ARAP1: variants seen among roughly 807,000 people sequenced by gnomAD.
The protein encoded by ARAP1 is arf-GAP with Rho-GAP domain, ANK repeat and PH domain-containing protein 1.
A neutral mutation model predicts 172.2 loss-of-function variants in ARAP1; 76 were observed. The observed-to-expected ratio is 0.44, with a 90% confidence interval of 0.37 to 0.53. ARAP1 has a LOEUF of 0.53. Ranked by LOEUF, ARAP1 falls within the 20% of genes least tolerant of loss-of-function variation. ARAP1 has a pLI of 0.00. For synonymous variants in ARAP1, 804 were observed against 803.3 expected, an observed-to-expected ratio of 1.00 and a Z score of -0.01; for missense variants, 1,686 against 1,977.5, an observed-to-expected ratio of 0.85 and a Z score of 2.80.
rs974831676 is a variant in ARAP1 at position 72,692,752 on chromosome 11, C to T, written c.3987+1G>A. 8 of 1,613,688 alleles carry T rather than the reference C, an allele frequency of 5.0e-6. No homozygotes were observed. The highest frequency in any genetic ancestry group is 2.2e-5 in the South Asian group (2 of 91,090). ...CTGGCAGTCAGCCCACAGCTACTCACGGTCTCAGGGGCCCCGCTCCACGGC... is the reference window on the plus strand; with the variant it reads ...CTGGCAGTCAGCCCACAGCTACTCATGGTCTCAGGGGCCCCGCTCCACGGC... On this transcript the variant is annotated splice_donor_variant, in intron 30 of 34. Transcript: ENST00000393609. LOFTEE classifies it high-confidence loss of function.
At chr11:72,736,239 C>CTTTTTT (rs61233618) in intron 1 of ARAP1, among the ~76,000 whole-genome samples, 1 of 132,380 alleles carries the variant, frequency 7.6e-6, no homozygotes, top group African/African-American at 2.8e-5. Context: ...TTTTAGTTAC[C>CTTTTTT]TTTTTTTTTT....
intron 3 of ARAP1, among the ~76,000 whole-genome samples, chr11:72,722,963 G>C (rs1465970506): frequency 6.6e-6 from 1 of 152,144 alleles, no homozygotes; most frequent in Admixed American, 6.5e-5. Context: ...CTCTGGGCAA[G>C]TTTCTCAGCA....
chr11:72,728,341 G>A (rs1433413375), intron 2 of ARAP1, among the ~76,000 whole-genome samples: 2 of 152,146 alleles, frequency 1.3e-5, no homozygotes, highest in African/African-American at 4.8e-5. Context: ...AGCACTTTAG[G>A]AGGCCGAGGC....
chr11:72,712,054 G>A (rs1336357378), intron 7 of ARAP1, 142 bp downstream of exon 7: 2 of 1,191,234 alleles, frequency 1.7e-6, no homozygotes, highest in Admixed American at 6.5e-5. Flanking sequence ...TGGTCACAGT[G>A]TGCCTGGAGG....
chr11:72,702,214 G>A (rs1294806226), intron 15 of ARAP1, among the ~76,000 whole-genome samples: 2 of 152,198 alleles, frequency 1.3e-5, no homozygotes, highest in Non-Finnish European at 2.9e-5. Flanking sequence ...GTGGGGGGGC[G>A]GTGATCTGTC....
Position 72,702,981 on chromosome 11 carries a change from G to A in ARAP1, c.2091C>T (p.Ala697=), listed in dbSNP as rs1347537122. Residue 697 remains alanine (A), a synonymous_variant, in exon 15 of 35, where the codon GCC becomes GCT. Transcript: ENST00000393609. Reference sequence around the variant, plus strand: ...GCTCTGCAAGAGCCAGGGGCGTGGGGGCCTCAGGGTCCCCCGAGAAGCAGT... The same window carrying A: ...GCTCTGCAAGAGCCAGGGGCGTGGGAGCCTCAGGGTCCCCCGAGAAGCAGT... ...GINCFSGDPE[A]PTPLALAEQA... The A allele has an allele frequency of 6.4e-7, 1 of 1,570,242 alleles. No individual in the cohort carries two copies. Among genetic ancestry groups the A allele is most frequent in the Middle Eastern group, 1.7e-4 (1 of 5,980 alleles).
At position 72,699,200 on chromosome 11, in the gene ARAP1, G is replaced by T. The variant is rs535731579; in HGVS notation, c.2439-93C>A. On this transcript the variant is annotated intron_variant, in intron 17 of 34. Transcript: ENST00000393609. The surrounding 1 kb of genome is among the most constrained non-coding windows in gnomAD (Gnocchi z 4.2). ...TCAACCGCCATCCTCTGCCCCCTCC[G>T]CACTGCCTTGGCGCTTGTCCTTATT... 3 of 1,463,862 alleles carry T rather than the reference G, an allele frequency of 2.0e-6. No individual in the cohort carries two copies. Among genetic ancestry groups the T allele is most frequent in the Non-Finnish European group, 9.5e-7 (1 of 1,054,860 alleles). The allele number at this position is 1,463,862 out of a possible 1,614,324, so 90.7% of individuals were successfully genotyped here.
chr11:72,740,783 A>G (rs1182053218), intron 1 of ARAP1, among the ~76,000 whole-genome samples: 2 of 152,128 alleles, frequency 1.3e-5, no homozygotes, highest in East Asian at 1.9e-4. Context: ...CACATGGGAA[A>G]TGGACTGAGG....
At chr11:72,711,393 G>A in intron 8 of ARAP1, 37 bp downstream of exon 8, 1 of 1,596,616 alleles carries the variant, frequency 6.3e-7, no homozygotes, top group Non-Finnish European at 8.6e-7. Flanking sequence ...AGCCTAGGCT[G>A]GAGCAGGGGT....
chr11:72,703,120 G>A (rs1479992654), intron 14 of ARAP1, 41 bp from the exon 15 acceptor site: 1 of 1,491,038 alleles, frequency 6.7e-7, no homozygotes. Flanking sequence ...GAAGGAGTAG[G>A]GGGCCCACAA....
chr11:72,736,215 T>C, intron 1 of ARAP1, among the ~76,000 whole-genome samples: 1 of 151,940 alleles, frequency 6.6e-6, no homozygotes, highest in East Asian at 1.9e-4. Context: ...AAATAAATAG[T>C]TATTGCTTTT....
chr11:72,696,171 G>A (rs896424917), intron 23 of ARAP1, among the ~76,000 whole-genome samples: 1 of 151,778 alleles, frequency 6.6e-6, no homozygotes, highest in African/African-American at 2.4e-5. Context: ...CGGGGGGCAG[G>A]GGATGGTTTC....
At chr11:72,736,824 AAACAAACACCCACAGGGAGG>A (rs1290179094) in intron 1 of ARAP1, among the ~76,000 whole-genome samples, 1 of 152,198 alleles carries the variant, frequency 6.6e-6, no homozygotes, top group East Asian at 1.9e-4. Flanking sequence ...ACAGACGAAG[AAACAAACACCCACAGGGAGG>A]AAGTGACTTG....
At chr11:72,747,924 T>C (rs1858418491) in intron 1 of ARAP1, among the ~76,000 whole-genome samples, 1 of 152,232 alleles carries the variant, frequency 6.6e-6, no homozygotes, top group Non-Finnish European at 1.5e-5. Context: ...TGACTAGGCA[T>C]TCCCAGGGTA....
At chr11:72,707,018 C>T (rs1488435821) in intron 12 of ARAP1, among the ~76,000 whole-genome samples, 157 bp downstream of exon 12, 1 of 152,254 alleles carries the variant, frequency 6.6e-6, no homozygotes, top group East Asian at 1.9e-4. Flanking sequence ...AATGTAAGGA[C>T]TCAAAGCTAA....
At chr11:72,713,761 G>A (rs997606403) in intron 4 of ARAP1, among the ~76,000 whole-genome samples, 63 of 151,792 alleles carry the variant, frequency 4.2e-4, no homozygotes, top group African/African-American at 1.4e-3. Flanking sequence ...GCAGGAGAAG[G>A]GCGTGAACCC....
Position 72,695,164 on chromosome 11 carries a change from G to A in ARAP1, c.3577-67C>T. 6.5e-7 allele frequency: 1 copy of A among 1,530,912 alleles called. No individual in the cohort carries two copies. The allele number at this position is 1,530,912 out of a possible 1,614,324, so 94.8% of individuals were successfully genotyped here. A position where few individuals can be genotyped will look rare whatever the true frequency, so the allele number is the denominator to read the frequency against. On this transcript the variant is annotated intron_variant, in intron 26 of 34. Coordinates refer to ENST00000393609, the MANE Select transcript of ARAP1 (RefSeq NM_001040118.3). The surrounding 1 kb of genome is among the most constrained non-coding windows in gnomAD (Gnocchi z 4.4). Reference sequence around the variant, plus strand: ...CCCTGCTCTGCCACAACCTTGCTATGTGACTCAGAGCCTGAGCCCATCCTT... The same window carrying A: ...CCCTGCTCTGCCACAACCTTGCTATATGACTCAGAGCCTGAGCCCATCCTT...
chr11:72,739,081 G>A (rs1266145422), intron 1 of ARAP1, among the ~76,000 whole-genome samples: 1 of 152,208 alleles, frequency 6.6e-6, no homozygotes, highest in African/African-American at 2.4e-5. Flanking sequence ...CCAGCCCAGA[G>A]GGTGCAGAAG....
intron 1 of ARAP1, among the ~76,000 whole-genome samples, chr11:72,739,453 C>T (rs1215170276): frequency 6.6e-6 from 1 of 152,154 alleles, no homozygotes; most frequent in African/African-American, 2.4e-5. Flanking sequence ...GCTGCCTCAG[C>T]TTGCTGGTGG....
Sources: gnomAD v4.1 joint callset for allele counts (sites outside exome capture counted in the v4.1 genomes callset) on GRCh38, gnomAD v4.1.1 for gene constraint, Gnocchi (gnomAD v3.1) non-coding constraint, MANE v1.5 for transcripts, NCBI Gene and HGNC (gene_info 2026-07-23, HGNC 2026-07-21) for gene names.